BMPR1B: variants seen among roughly 807,000 people sequenced by gnomAD.
BMPR1B encodes bone morphogenetic protein receptor type 1B, also known as bone morphogenetic protein receptor type-1B.
Under a neutral mutation model 59.1 loss-of-function variants are expected in BMPR1B, and 12 were observed. The ratio of observed to expected loss-of-function variants is 0.20; its 90% CI spans 0.13 to 0.33. The LOEUF is 0.33. BMPR1B is among the 10% of genes least tolerant of loss of function. The pLI is 1.00. For missense variants in BMPR1B, 550 were observed against 610.9 expected (o/e 0.90, Z 1.05); for synonymous variants, 237 against 207.3 (o/e 1.14, Z -1.23).
At chr4:95,079,524 AAAG>A (rs1728961117) in intron 3 of BMPR1B, among the ~76,000 whole-genome samples, 2 of 152,222 alleles carry the variant, frequency 1.3e-5, no homozygotes, top group Non-Finnish European at 2.9e-5. Flanking sequence ...TCATGTAGGA[AAAG>A]AAGGTCTCCT....
chr4:95,008,164 C>T (rs749048851), intron 3 of BMPR1B, among the ~76,000 whole-genome samples: 10 of 152,074 alleles, frequency 6.6e-5, no homozygotes, highest in Non-Finnish European at 1.3e-4. Context: ...GGAATACAGG[C>T]CAGCTTAAGT....
intron 3 of BMPR1B, among the ~76,000 whole-genome samples, chr4:95,063,168 G>A (rs941832865): frequency 1.3e-5 from 2 of 152,052 alleles, no homozygotes; most frequent in Non-Finnish European, 2.9e-5. Context: ...AAAGAAAGTG[G>A]CATTCTTATA....
chr4:94,858,533 A>G (rs945377099), intron 1 of BMPR1B, among the ~76,000 whole-genome samples: 3 of 152,244 alleles, frequency 2.0e-5, no homozygotes, highest in African/African-American at 2.4e-5. Flanking sequence ...TATTTTGACC[A>G]AATTTTTAGT....
intron 3 of BMPR1B, among the ~76,000 whole-genome samples, chr4:95,013,190 C>T (rs960388431): frequency 9.9e-5 from 15 of 151,358 alleles, no homozygotes; most frequent in African/African-American, 3.7e-4. Flanking sequence ...TTCAAAAGTC[C>T]CACCAACAAT....
chr4:94,769,323 A>G (rs747124386), intron 1 of BMPR1B, among the ~76,000 whole-genome samples: 1 of 152,232 alleles, frequency 6.6e-6, no homozygotes, highest in African/African-American at 2.4e-5. Context: ...TTAAATTCAC[A>G]GTTGAGGCCG....
chr4:95,071,016 C>G (rs1333517604), intron 3 of BMPR1B, among the ~76,000 whole-genome samples: 5 of 152,066 alleles, frequency 3.3e-5, no homozygotes, highest in Admixed American at 6.6e-5. Context: ...TACTAAAACA[C>G]TCAGAATCCA....
In BMPR1B at chr4:94,912,072, C is replaced by T. The variant is rs114538124; in HGVS notation, c.-113+36172C>T. ...ACATCCTGTCTTACATGGATGGCAG[C>T]AGACAAAGAGGGAATGAGGAAGGTA... On this transcript the variant is annotated intron_variant, in intron 2 of 12. Transcript: ENST00000515059. Among the ~76,000 whole-genome samples, 395 of 152,084 alleles carry T rather than the reference C, an allele frequency of 2.6e-3. 4 individuals carry two copies. Among genetic ancestry groups the T allele is most frequent in the Non-Finnish European group, 3.3e-3 (226 of 67,994 alleles).
At chr4:94,851,092 C>T (rs1725551391) in intron 1 of BMPR1B, among the ~76,000 whole-genome samples, 1 of 151,856 alleles carries the variant, frequency 6.6e-6, no homozygotes, top group Admixed American at 6.6e-5. Context: ...CAAATGTCTT[C>T]CTACTGGAAA....
chr4:95,104,583 G>C lies in BMPR1B; in HGVS notation c.143+16G>C. On this transcript the variant is annotated intron_variant, in intron 4 of 12. Transcript: ENST00000515059. ...ATATTTGCAGGTTGGTGATATAAAT[G>C]ATTTAAAGCTAGCTTTAACAAAAAG... is the stretch of plus-strand genomic sequence containing the variant. 6.2e-7 allele frequency: 1 copy of C among 1,612,954 alleles called. No homozygotes were observed. The highest frequency in any genetic ancestry group is 8.5e-7 in the Non-Finnish European group (1 of 1,179,258).
At chr4:94,945,510 C>G (rs1327492196) in intron 2 of BMPR1B, among the ~76,000 whole-genome samples, 1 of 152,146 alleles carries the variant, frequency 6.6e-6, no homozygotes, top group African/African-American at 2.4e-5. Flanking sequence ...TAATAGCTCA[C>G]TGCAACCTCT....
Position 95,125,036 on chromosome 4 carries a change from A to C in BMPR1B, c.500A>C (p.Glu167Ala), listed in dbSNP as rs1490974342. The change falls in exon 8 of 13, where the codon GAA (glutamate) becomes GCA (alanine). Residue 167 changes from glutamate to alanine, a missense_variant. Physicochemically the swap from Glu to Ala is moderately radical, Grantham distance 107. Transcript: ENST00000515059. ...TACAGCATTGGGTTAGAACAGGATGAAACTTACATTCCTCCTGGAGAATCC... is the reference window on the plus strand; with the variant it reads ...TACAGCATTGGGTTAGAACAGGATGCAACTTACATTCCTCCTGGAGAATCC... The part of the protein sequence containing the change: ...PRYSIGLEQD[E>A]TYIPPGESLR... 3.1e-6 allele frequency: 5 copies of C among 1,613,780 alleles called. No homozygotes were observed. Among genetic ancestry groups the C allele is most frequent in the Admixed American group, 3.3e-5 (2 of 59,974 alleles).
At chr4:94,824,889 T>A (rs1225663677) in intron 1 of BMPR1B, among the ~76,000 whole-genome samples, 1 of 152,238 alleles carries the variant, frequency 6.6e-6, no homozygotes, top group African/African-American at 2.4e-5. Context: ...TACTGAAATT[T>A]GTAACATGGA....
intron 10 of BMPR1B, among the ~76,000 whole-genome samples, chr4:95,137,869 G>C (rs1445768880): frequency 1.3e-5 from 2 of 152,098 alleles, no homozygotes; most frequent in African/African-American, 2.4e-5. Context: ...CAATTTGCCA[G>C]TCCGTATCTT....
chr4:94,888,571 GA>G (rs1727270945), intron 2 of BMPR1B, among the ~76,000 whole-genome samples: 1 of 151,952 alleles, frequency 6.6e-6, no homozygotes, highest in Non-Finnish European at 1.5e-5. Context: ...ACAATTATAA[GA>G]GTTGGGTGCT....
At chr4:94,902,905 A>G (rs190623646) in intron 2 of BMPR1B, among the ~76,000 whole-genome samples, 10 of 152,114 alleles carry the variant, frequency 6.6e-5, no homozygotes, top group Admixed American at 2.6e-4. Flanking sequence ...ACTGAATTCA[A>G]TCTTGATGTT....
Position 94,898,651 on chromosome 4 carries a change from T to C in BMPR1B, c.-113+22751T>C, listed in dbSNP as rs551896990. Among the ~76,000 whole-genome samples, 4 of 152,216 alleles carry C rather than the reference T, an allele frequency of 2.6e-5. No homozygotes were observed. In the East Asian group the frequency reaches 7.8e-4, roughly 30 times the overall value. ...TGTGAGTCAATTAAACTCTTTTCTT[T>C]GTAAATTACCCAGTCTCAGATATTT... On this transcript the variant is annotated intron_variant, in intron 2 of 12. Transcript: ENST00000515059.
chr4:94,904,100 A>T (rs1485166974), intron 2 of BMPR1B, among the ~76,000 whole-genome samples: 1 of 152,038 alleles, frequency 6.6e-6, no homozygotes, highest in Admixed American at 6.6e-5. Context: ...AGGAAGTTAA[A>T]AAATTTCAAA....
At chr4:94,907,558 C>A (rs1043057164) in intron 2 of BMPR1B, among the ~76,000 whole-genome samples, 2 of 151,936 alleles carry the variant, frequency 1.3e-5, no homozygotes, top group Admixed American at 1.3e-4. Context: ...AGTAACTCGT[C>A]TATTAAGATG....
intron 2 of BMPR1B, among the ~76,000 whole-genome samples, chr4:94,956,519 A>G (rs1730146529): frequency 2.0e-5 from 3 of 152,176 alleles, no homozygotes. Flanking sequence ...TCTTGTTTGT[A>G]TGATGAAAAC....
Sources: allele counts gnomAD v4.1 joint callset (sites outside exome capture counted in the v4.1 genomes callset), GRCh38; gene constraint gnomAD v4.1.1; transcripts MANE v1.5; gene names NCBI Gene and HGNC (gene_info 2026-07-23, HGNC 2026-07-21).